Variants in KCNQ5 observed in about 807,000 individuals in gnomAD.
KCNQ5 encodes the protein potassium voltage-gated channel subfamily Q member 5.
Under a neutral mutation model 98.2 loss-of-function variants are expected in KCNQ5, and 30 were observed. That is an observed-to-expected ratio of 0.31 (90% CI 0.23 to 0.41). The LOEUF (loss-of-function observed/expected upper bound fraction) is 0.41, where lower values mean the gene tolerates loss of function less well. Among genes scored for constraint, KCNQ5 ranks in the 10% least tolerant of loss-of-function variants. The pLI, the probability that KCNQ5 is intolerant of heterozygous loss-of-function variation, is 1.00. For synonymous variants in KCNQ5, 458 were observed against 449.4 expected (o/e 1.02, Z -0.24); for missense variants, 835 against 1,182.5 (o/e 0.71, Z 4.31).
intron 10 of KCNQ5, among the ~76,000 whole-genome samples, chr6:73,154,531 A>T (rs1777277419): frequency 6.6e-6 from 1 of 152,130 alleles, no homozygotes; most frequent in African/African-American, 2.4e-5. Context: ...ATTAATATGG[A>T]TGATACAGTG....
intron 1 of KCNQ5, among the ~76,000 whole-genome samples, chr6:72,809,898 A>G (rs961830798): frequency 6.6e-6 from 1 of 152,226 alleles, no homozygotes; most frequent in Non-Finnish European, 1.5e-5. Context: ...CAATGAACAC[A>G]AAATACCTCT....
chr6:72,858,864 A>G (rs1393140841), intron 1 of KCNQ5, among the ~76,000 whole-genome samples: 1 of 152,138 alleles, frequency 6.6e-6, no homozygotes, highest in Non-Finnish European at 1.5e-5. Context: ...TAATATCTAT[A>G]GTTTAGTTAA....
At chr6:72,911,205 A>G (rs563951285) in intron 1 of KCNQ5, among the ~76,000 whole-genome samples, 121 of 152,188 alleles carry the variant, frequency 8.0e-4, no homozygotes, top group Non-Finnish European at 1.2e-3. Context: ...TATGACACCC[A>G]ACCCCAAATT....
chr6:72,794,442 A>G (rs1774220867), intron 1 of KCNQ5, among the ~76,000 whole-genome samples: 3 of 152,072 alleles, frequency 2.0e-5, no homozygotes, highest in Non-Finnish European at 4.4e-5. Flanking sequence ...GAAATGTGTC[A>G]GAATTGGTTA....
intron 7 of KCNQ5, 33 bp from the exon 8 acceptor site, chr6:73,120,450 T>A (rs73753261): frequency 6.8e-7 from 1 of 1,460,782 alleles, no homozygotes; most frequent in Admixed American, 1.7e-5. Flanking sequence ...CTCTCTTTTT[T>A]CTTTTTCATG....
chr6:73,056,686 A>C (rs190843281), intron 3 of KCNQ5, among the ~76,000 whole-genome samples: 92 of 152,290 alleles, frequency 6.0e-4, no homozygotes, highest in Non-Finnish European at 1.2e-3. Flanking sequence ...GCCCTGCCAC[A>C]TAGGTCTAGT....
intron 1 of KCNQ5, among the ~76,000 whole-genome samples, chr6:72,848,121 C>T (rs1053347136): frequency 2.0e-5 from 3 of 151,972 alleles, no homozygotes; most frequent in Non-Finnish European, 2.9e-5. Flanking sequence ...TGTGGTATTT[C>T]CTAAGCACTT....
intron 10 of KCNQ5, among the ~76,000 whole-genome samples, chr6:73,139,844 C>T (rs756839023): frequency 2.0e-5 from 3 of 152,192 alleles, no homozygotes; most frequent in East Asian, 1.9e-4. Context: ...CCTGACACCT[C>T]GCTCCTCAAG....
intron 1 of KCNQ5, among the ~76,000 whole-genome samples, chr6:72,740,595 G>T (rs568784555): frequency 5.9e-5 from 9 of 152,122 alleles, no homozygotes; most frequent in Non-Finnish European, 1.3e-4. Flanking sequence ...ACAGGCAATG[G>T]ATATAGTTGA....
chr6:72,719,642 G>A (rs1234764411), intron 1 of KCNQ5, among the ~76,000 whole-genome samples: 1 of 152,162 alleles, frequency 6.6e-6, no homozygotes, highest in Non-Finnish European at 1.5e-5. Context: ...CTGTGAAGGT[G>A]GCACCTATTC....
rs66526018 is a variant in KCNQ5, at chr6:72,652,240, C to CA, written c.398+29670dup. Among the ~76,000 whole-genome samples the CA allele has an allele frequency of 7.9e-3, 827 of 105,282 alleles. 6 individuals carry two copies. The highest frequency in any genetic ancestry group is 0.022 in the African/African-American group (607 of 27,188). 69.1% of individuals were successfully genotyped at this position (105,282 alleles called of 152,430 possible). A position where few individuals can be genotyped will look rare whatever the true frequency, so the allele number is the denominator to read the frequency against. ...ACTTTAAAAGTGCTTGAGGCAGAAG[C>CA]AAAAAAAAAAAAAAAAAGTGAGAGA... is the stretch of plus-strand genomic sequence containing the variant. On this transcript the variant is annotated intron_variant, in intron 1 of 13. Transcript: ENST00000370398.
intron 1 of KCNQ5, among the ~76,000 whole-genome samples, chr6:72,870,602 T>TA (rs568562151): frequency 1.1e-3 from 171 of 151,942 alleles, no homozygotes; most frequent in Non-Finnish European, 2.3e-3. Flanking sequence ...TAATCTTGGC[T>TA]AAAAAAAATA....
chr6:73,123,605 T>C (rs1484793863), intron 8 of KCNQ5, among the ~76,000 whole-genome samples: 1 of 152,204 alleles, frequency 6.6e-6, no homozygotes, highest in African/African-American at 2.4e-5. Flanking sequence ...TTTCAAAGTT[T>C]TATTTTAATA....
intron 6 of KCNQ5, among the ~76,000 whole-genome samples, chr6:73,105,685 T>G (rs995139205): frequency 1.2e-4 from 18 of 152,228 alleles, no homozygotes; most frequent in African/African-American, 4.3e-4. Flanking sequence ...AGCTATATTC[T>G]TTTAAAACTG....
chr6:73,133,393 G>T (rs781428012), intron 9 of KCNQ5, 28 bp from the exon 10 acceptor site: 1 of 1,595,096 alleles, frequency 6.3e-7, no homozygotes. Context: ...TGCTTGAAAT[G>T]GAATAATCAT....
chr6:72,895,439 C>T (rs1779212351), intron 1 of KCNQ5, among the ~76,000 whole-genome samples: 1 of 151,592 alleles, frequency 6.6e-6, no homozygotes, highest in Admixed American at 6.6e-5. Context: ...CAAAAACATG[C>T]CATGGAGAAC....
intron 5 of KCNQ5, among the ~76,000 whole-genome samples, chr6:73,096,813 C>A (rs1349712851): frequency 6.6e-6 from 1 of 152,076 alleles, no homozygotes; most frequent in Non-Finnish European, 1.5e-5. Flanking sequence ...GAGGCCAAGG[C>A]AGGGGGATCA....
At chr6:72,751,957 A>G (rs914693653) in intron 1 of KCNQ5, among the ~76,000 whole-genome samples, 8 of 152,160 alleles carry the variant, frequency 5.3e-5, no homozygotes, top group African/African-American at 1.9e-4. Flanking sequence ...GTTAGCAAGT[A>G]AATGGTGGTG....
chr6:72,999,688 GA>G (rs1769470734), intron 1 of KCNQ5, among the ~76,000 whole-genome samples: 1 of 152,058 alleles, frequency 6.6e-6, no homozygotes. Context: ...ACTACAAAAG[GA>G]AAAATTATGA....
Sources: allele counts gnomAD v4.1 joint callset (sites outside exome capture counted in the v4.1 genomes callset), GRCh38; gene constraint gnomAD v4.1.1; transcripts MANE v1.5; gene names NCBI Gene and HGNC (gene_info 2026-07-23, HGNC 2026-07-21).